The following PATJ variants were observed in gnomAD, a reference collection of about 807,000 sequenced individuals.
PATJ encodes the protein PATJ crumbs cell polarity complex component.
In PATJ, 190 loss-of-function variants were observed where a neutral mutation model predicts 224.9. The observed-to-expected ratio is 0.84, with a 90% CI of 0.75 to 0.95. The LOEUF (loss-of-function observed/expected upper bound fraction) is 0.95. PATJ is among the 40% of genes least tolerant of loss of function. The pLI is 0.00. For synonymous variants in PATJ, 769 were observed against 820.3 expected (o/e 0.94, Z 1.07); for missense variants, 2,121 against 2,270.3 (o/e 0.93, Z 1.34).
In PATJ at chr1:62,062,090, C is replaced by A. The variant is rs142303311; in HGVS notation, c.4125+11032C>A. 3.0e-3 allele frequency among the ~76,000 whole-genome samples: 452 copies of A among 152,234 alleles called. 1 individual carries two copies. The highest frequency in any genetic ancestry group is 0.01 in the African/African-American group (431 of 41,548). On this transcript the variant is annotated intron_variant, in intron 31 of 43. Transcript: ENST00000642238. Reference sequence around the variant, plus strand: ...CTTTCTGGTAGAATAACTTATTTTCCTTTGGTTATGTAACCAGTAATGGGA... The same window carrying A: ...CTTTCTGGTAGAATAACTTATTTTCATTTGGTTATGTAACCAGTAATGGGA...
intron 31 of PATJ, among the ~76,000 whole-genome samples, chr1:62,075,299 C>T (rs1273444344): frequency 6.6e-6 from 1 of 152,118 alleles, no homozygotes; most frequent in Non-Finnish European, 1.5e-5. Flanking sequence ...GTGGAATTTT[C>T]CATCCCTGAA....
At chr1:61,936,734 G>A (rs1676943955) in intron 27 of PATJ, among the ~76,000 whole-genome samples, 1 of 151,954 alleles carries the variant, frequency 6.6e-6, no homozygotes, top group Non-Finnish European at 1.5e-5. Flanking sequence ...ACCACACCCA[G>A]CTAATTTTTG....
Position 61,899,651 on chromosome 1 carries a change from G to T in PATJ, c.3200G>T (p.Arg1067Ile), listed in dbSNP as rs1670847401. Residue 1067 changes from arginine to isoleucine, a missense_variant, in exon 23 of 44, where the codon AGA becomes ATA. Coordinates refer to ENST00000642238, the MANE Select transcript of PATJ (RefSeq NM_001350145.3). ...TPNFSHWGPP[R>I]IVEIFREPNV... The stretch of plus-strand genomic sequence containing the variant: ...AATTTTAGCCACTGGGGTCCACCGA[G>T]AATGTATGTGGATGACATTATTGTG... 6.2e-7 allele frequency: 1 copy of T among 1,604,782 alleles called. No homozygotes were observed. Among genetic ancestry groups the T allele is most frequent in the Non-Finnish European group, 8.5e-7 (1 of 1,174,526 alleles).
chr1:62,153,242 C>A (rs1468061206), intron 42 of PATJ, 116 bp from the exon 43 acceptor site: 4 of 781,012 alleles, frequency 5.1e-6, no homozygotes, highest in African/African-American at 3.6e-5. Flanking sequence ...ATCTGATAAA[C>A]CAAACTTCAT....
chr1:62,128,991 G>A lies in PATJ; in HGVS notation c.5271+46G>A, dbSNP rs192218034. The A allele has an allele frequency of 4.3e-5, 57 of 1,329,606 alleles. 1 individual carries two copies. The East Asian group carries it at 1.3e-3, about 30-fold the overall frequency. 82.4% of individuals were successfully genotyped at this position (1,329,606 alleles called of 1,614,324 possible). ...CGCAGCTGTGCAAGGCAGATAAGTG[G>A]CATGCAAAAAAGATTGAGCGTCACT... On this transcript the variant is annotated intron_variant, in intron 41 of 43. Coordinates refer to ENST00000642238, the MANE Select transcript of PATJ (RefSeq NM_001350145.3).
chr1:61,758,638 C>T (rs539642718), intron 1 of PATJ, among the ~76,000 whole-genome samples: 18 of 152,192 alleles, frequency 1.2e-4, no homozygotes, highest in Non-Finnish European at 2.4e-4. Context: ...TGAGCCACCA[C>T]GCCCGGCCCT....
chr1:62,157,586 T>C (rs1257497183), intron 43 of PATJ, among the ~76,000 whole-genome samples: 1 of 148,488 alleles, frequency 6.7e-6, no homozygotes, highest in Non-Finnish European at 1.5e-5. Context: ...ATCCCAGCAC[T>C]GTGGGAGGCC....
intron 6 of PATJ, among the ~76,000 whole-genome samples, chr1:61,772,066 G>A (rs958282223): frequency 2.7e-5 from 4 of 149,602 alleles, no homozygotes; most frequent in Non-Finnish European, 4.4e-5. Flanking sequence ...ATCTCTGAAT[G>A]CAGCGTTAGC....
intron 33 of PATJ, among the ~76,000 whole-genome samples, chr1:62,102,436 A>G (rs1049019473): frequency 2.0e-5 from 3 of 152,204 alleles, no homozygotes; most frequent in African/African-American, 7.2e-5. Flanking sequence ...TTGAACATCA[A>G]TGTATCACTT....
chr1:62,035,618 T>G (rs1386616758), intron 29 of PATJ, among the ~76,000 whole-genome samples: 2 of 151,554 alleles, frequency 1.3e-5, no homozygotes, highest in African/African-American at 4.9e-5. Context: ...TTCATTCATT[T>G]TTTTTTTTTC....
intron 32 of PATJ, among the ~76,000 whole-genome samples, chr1:62,083,348 C>G (rs1659528584): frequency 2.0e-5 from 3 of 152,206 alleles, no homozygotes. Context: ...TCTCGAACTC[C>G]TGACCTCAGG....
At chr1:62,068,637 T>G (rs1375115811) in intron 31 of PATJ, among the ~76,000 whole-genome samples, 2 of 152,230 alleles carry the variant, frequency 1.3e-5, no homozygotes, top group Non-Finnish European at 2.9e-5. Flanking sequence ...TTGTCCAGCT[T>G]TGGGACAGAG....
intron 28 of PATJ, among the ~76,000 whole-genome samples, chr1:62,011,719 T>TAAAA (rs11448104): frequency 1.4e-5 from 2 of 143,638 alleles, no homozygotes; most frequent in East Asian, 2.0e-4. Context: ...TTTCCATTTG[T>TAAAA]AAAAAAAAAA....
At chr1:62,065,922 T>C (rs2148662877) in intron 31 of PATJ, among the ~76,000 whole-genome samples, 1 of 152,292 alleles carries the variant, frequency 6.6e-6, no homozygotes, top group South Asian at 2.1e-4. Context: ...GTTCTCTGAG[T>C]CTATGAAGTT....
At chr1:61,927,272 A>G in intron 26 of PATJ, among the ~76,000 whole-genome samples, 1 of 152,212 alleles carries the variant, frequency 6.6e-6, no homozygotes, top group East Asian at 1.9e-4. Context: ...GTGTCTTTTA[A>G]AGAATAAAAT....
chr1:62,087,908 T>C (rs924142084), intron 33 of PATJ, among the ~76,000 whole-genome samples: 1 of 147,636 alleles, frequency 6.8e-6, no homozygotes, highest in Admixed American at 6.9e-5. Flanking sequence ...TTTTTTTTTT[T>C]GAGACGGAGT....
chr1:61,742,634 T>A (rs1265766616), intron 1 of PATJ, 79 bp downstream of exon 1: 2 of 151,710 alleles, frequency 1.3e-5, no homozygotes, highest in African/African-American at 4.8e-5. Flanking sequence ...CGGGGGCAGC[T>A]CCCTCGGGGC....
chr1:62,022,438 G>A (rs746128372), intron 29 of PATJ, among the ~76,000 whole-genome samples: 5 of 152,160 alleles, frequency 3.3e-5, no homozygotes, highest in African/African-American at 9.7e-5. Context: ...TCATCCAGAT[G>A]TGTATTACAA....
intron 9 of PATJ, among the ~76,000 whole-genome samples, chr1:61,794,548 G>A (rs1035319545): frequency 2.6e-5 from 4 of 152,020 alleles, no homozygotes; most frequent in Non-Finnish European, 5.9e-5. Flanking sequence ...CCATGGGAAG[G>A]CATGCTTTAA....
Sources: allele counts gnomAD v4.1 joint callset (sites outside exome capture counted in the v4.1 genomes callset), GRCh38; gene constraint gnomAD v4.1.1; transcripts MANE v1.5; gene names NCBI Gene and HGNC (gene_info 2026-07-23, HGNC 2026-07-21).